Variants in ADAMTS12 observed in about 807,000 individuals in gnomAD.
ADAMTS12 encodes the protein ADAM metallopeptidase with thrombospondin type 1 motif 12.
A neutral mutation model predicts 167.8 loss-of-function variants in ADAMTS12; 118 were observed. That is an observed-to-expected ratio of 0.70 (90% CI 0.61 to 0.82). The LOEUF (loss-of-function observed/expected upper bound fraction) is 0.82, where lower values mean the gene tolerates loss of function less well. Among genes scored for constraint, ADAMTS12 ranks in the 40% least tolerant of loss-of-function variants. The probability of loss-of-function intolerance (pLI) is 0.00; values close to 1 mark genes in which losing one functional copy is unlikely to be tolerated. For synonymous variants in ADAMTS12, 704 were observed against 716.9 expected (o/e 0.98, Z 0.29); for missense variants, 1,916 against 1,998.8 (o/e 0.96, Z 0.79).
chr5:33,577,475 G>C (rs896520291), intron 18 of ADAMTS12, among the ~76,000 whole-genome samples: 44 of 152,184 alleles, frequency 2.9e-4, no homozygotes, highest in African/African-American at 9.9e-4. Context: ...GTTTACACAA[G>C]TTGCTAAATC....
chr5:33,716,142 C>T (rs576645838), intron 3 of ADAMTS12, among the ~76,000 whole-genome samples: 26 of 152,088 alleles, frequency 1.7e-4, no homozygotes, highest in African/African-American at 6.0e-4. Flanking sequence ...GTGGGGCCCT[C>T]GTAAATGGGA....
At chr5:33,798,754 T>C (rs188972049) in intron 2 of ADAMTS12, among the ~76,000 whole-genome samples, 25 of 152,284 alleles carry the variant, frequency 1.6e-4, no homozygotes, top group Admixed American at 5.2e-4. Flanking sequence ...CTTATAAGAA[T>C]TGTGGTTCTA....
chr5:33,728,330 G>A (rs752293610), intron 3 of ADAMTS12, among the ~76,000 whole-genome samples: 1 of 152,226 alleles, frequency 6.6e-6, no homozygotes, highest in Non-Finnish European at 1.5e-5. Context: ...CATTGGACAC[G>A]AAAGGGATGC....
In ADAMTS12 at chr5:33,610,190, G is replaced by A. The variant is rs186043235; in HGVS notation, c.2527+4048C>T. Among the ~76,000 whole-genome samples, 30 of 151,622 alleles carry A rather than the reference G, an allele frequency of 2.0e-4. No individual in the cohort carries two copies. In the East Asian group the frequency reaches 2.5e-3, roughly 13 times the overall value. On this transcript the variant is annotated intron_variant, in intron 16 of 23. Coordinates refer to ENST00000504830, the MANE Select transcript of ADAMTS12 (RefSeq NM_030955.4). ...GAATGAAACTCTGTCTCAAACAAAC[G>A]AACAACAACAGCAACAACAAAAAAG...
intron 7 of ADAMTS12, among the ~76,000 whole-genome samples, chr5:33,653,830 A>G (rs1469632955): frequency 6.6e-6 from 1 of 152,140 alleles, no homozygotes; most frequent in Non-Finnish European, 1.5e-5. Flanking sequence ...CTTCTTAAAT[A>G]TGTGGGTTTA....
intron 2 of ADAMTS12, among the ~76,000 whole-genome samples, chr5:33,820,962 G>T (rs1024645232): frequency 2.0e-5 from 3 of 152,102 alleles, no homozygotes; most frequent in African/African-American, 7.2e-5. Context: ...CATACACTGC[G>T]GCCTTTCAGA....
intron 17 of ADAMTS12, among the ~76,000 whole-genome samples, chr5:33,594,056 C>G (rs1414663599): frequency 1.3e-5 from 2 of 152,156 alleles, no homozygotes; most frequent in Non-Finnish European, 2.9e-5. Context: ...TTGGCTGTGT[C>G]CCCACTCAAA....
intron 20 of ADAMTS12, among the ~76,000 whole-genome samples, chr5:33,557,629 C>A (rs535526590): frequency 2.4e-4 from 36 of 150,420 alleles, no homozygotes; most frequent in Admixed American, 1.2e-3. Context: ...GACCCCATCT[C>A]AAAAAAAAAT....
chr5:33,717,715 C>T (rs1054858188), intron 3 of ADAMTS12, among the ~76,000 whole-genome samples: 2 of 152,120 alleles, frequency 1.3e-5, no homozygotes, highest in African/African-American at 4.8e-5. Context: ...TCAACTTACA[C>T]AATTGAGTAT....
At chr5:33,766,369 C>G (rs906251543) in intron 2 of ADAMTS12, among the ~76,000 whole-genome samples, 4 of 152,050 alleles carry the variant, frequency 2.6e-5, no homozygotes, top group African/African-American at 9.7e-5. Flanking sequence ...AATTTAGGAG[C>G]ATTCTACAAA....
chr5:33,879,488 G>A (rs1000887497), intron 2 of ADAMTS12, among the ~76,000 whole-genome samples: 3 of 152,188 alleles, frequency 2.0e-5, no homozygotes, highest in African/African-American at 7.2e-5. Flanking sequence ...GAGATGTGAT[G>A]TGAGTCCAGA....
intron 2 of ADAMTS12, among the ~76,000 whole-genome samples, chr5:33,837,585 G>A (rs964917468): frequency 6.6e-6 from 1 of 152,200 alleles, no homozygotes; most frequent in South Asian, 2.1e-4. Flanking sequence ...CCAGCCGAAT[G>A]GGATTTCTGG....
chr5:33,850,075 C>T (rs1277093245), intron 2 of ADAMTS12, among the ~76,000 whole-genome samples: 1 of 152,134 alleles, frequency 6.6e-6, no homozygotes, highest in Non-Finnish European at 1.5e-5. Flanking sequence ...GCCTAGATTC[C>T]TCTCACGGAG....
intron 2 of ADAMTS12, among the ~76,000 whole-genome samples, chr5:33,781,533 A>G (rs1356481856): frequency 6.6e-6 from 1 of 152,182 alleles, no homozygotes; most frequent in East Asian, 1.9e-4. Context: ...CCAATCTGTC[A>G]GTGAAAACAA....
At chr5:33,676,361 G>A (rs982293768) in intron 5 of ADAMTS12, among the ~76,000 whole-genome samples, 6 of 152,088 alleles carry the variant, frequency 3.9e-5, no homozygotes, top group Admixed American at 3.3e-4. Context: ...TCAGGCTTAC[G>A]CTACTGAAAG....
chr5:33,813,939 A>G (rs573455102), intron 2 of ADAMTS12, among the ~76,000 whole-genome samples: 1 of 152,358 alleles, frequency 6.6e-6, no homozygotes, highest in East Asian at 1.9e-4. Context: ...GTGGTTTGTT[A>G]TGAGGCAATA....
intron 11 of ADAMTS12, among the ~76,000 whole-genome samples, chr5:33,638,691 AG>A (rs1387997331): frequency 1.3e-5 from 2 of 152,178 alleles, no homozygotes; most frequent in African/African-American, 4.8e-5. Flanking sequence ...TCCCAAAGAT[AG>A]TTCTTTGATG....
chr5:33,693,526 T>C lies in ADAMTS12; in HGVS notation c.635-9471A>G, dbSNP rs576472947. On this transcript the variant is annotated intron_variant, in intron 3 of 23. Coordinates refer to ENST00000504830, the MANE Select transcript of ADAMTS12 (RefSeq NM_030955.4). ...ATTATAAAAATAGTATGTATGTTCA[T>C]TCAGCTTTTGAAATGTTCTGTTTGA... Among the ~76,000 whole-genome samples the C allele has an allele frequency of 3.3e-5, 5 of 152,346 alleles. No individual in the cohort carries two copies. The East Asian group carries it at 9.6e-4, about 29-fold the overall frequency.
chr5:33,671,863 TACAC>T (rs745792180), intron 5 of ADAMTS12, among the ~76,000 whole-genome samples: 1 of 133,640 alleles, frequency 7.5e-6, no homozygotes, highest in Admixed American at 7.5e-5. Flanking sequence ...CACCCCCACA[TACAC>T]ACACACACAA....
Sources: gnomAD v4.1 joint callset for allele counts (sites outside exome capture counted in the v4.1 genomes callset) on GRCh38, gnomAD v4.1.1 for gene constraint, MANE v1.5 for transcripts, NCBI Gene and HGNC (gene_info 2026-07-23, HGNC 2026-07-21) for gene names.